POU6F2: variants seen among roughly 807,000 people sequenced by gnomAD.
POU6F2 encodes POU domain, class 6, transcription factor 2.
A neutral mutation model predicts 71.3 loss-of-function variants in POU6F2; 31 were observed. That is an observed-to-expected ratio of 0.43 (90% CI 0.33 to 0.59). The LOEUF (loss-of-function observed/expected upper bound fraction) is 0.59. Among genes scored for constraint, POU6F2 ranks in the 20% least tolerant of loss-of-function variants. The probability of loss-of-function intolerance (pLI) is 0.04; values close to 1 mark genes in which losing one functional copy is unlikely to be tolerated. For synonymous variants in POU6F2, 347 were observed against 355.7 expected (o/e 0.98, Z 0.27); for missense variants, 783 against 856.8 (o/e 0.91, Z 1.07).
chr7:39,168,338 G>A (rs749683689), intron 2 of POU6F2, among the ~76,000 whole-genome samples: 6 of 152,182 alleles, frequency 3.9e-5, no homozygotes, highest in Admixed American at 1.3e-4. Flanking sequence ...AGTATTATCT[G>A]TTTTAAATGA....
rs78000514 is a variant in POU6F2, at chr7:39,138,041, G to T, written c.277+52010G>T. ...TCTGTAAGATTTTGCTATTAAATTA[G>T]GCAACAGTACTTTTCTGCATGCTTT... On this transcript the variant is annotated intron_variant, in intron 2 of 9. Transcript: ENST00000518318. Among the ~76,000 whole-genome samples, 208 of 152,194 alleles carry T rather than the reference G, an allele frequency of 1.4e-3. 3 individuals are homozygous for T. In the South Asian group the frequency reaches 0.023, roughly 17 times the overall value.
At chr7:39,406,547 G>GCTGTGC in intron 5 of POU6F2, 53 bp from the exon 6 acceptor site, 1 of 1,591,958 alleles carries the variant, frequency 6.3e-7, no homozygotes. Context: ...GTGTCCGTGT[G>GCTGTGC]CTGTGCCTGT....
intron 4 of POU6F2, among the ~76,000 whole-genome samples, chr7:39,333,473 T>C (rs567052492): frequency 6.6e-6 from 1 of 152,228 alleles, no homozygotes; most frequent in East Asian, 1.9e-4. Context: ...GCGTGGTGGC[T>C]CACACCTATA....
intron 4 of POU6F2, among the ~76,000 whole-genome samples, chr7:39,275,231 A>G (rs1293890976): frequency 6.6e-6 from 1 of 151,934 alleles, no homozygotes; most frequent in East Asian, 1.9e-4. Flanking sequence ...ATGTACAAAA[A>G]TCACAAGCAT....
intron 1 of POU6F2, among the ~76,000 whole-genome samples, chr7:39,079,932 CA>C (rs150124176): frequency 0.013 from 2,051 of 152,006 alleles, 41 homozygotes; most frequent in African/African-American, 0.046. Context: ...ACTTTTTTTC[CA>C]AAATAATTTT....
chr7:39,031,722 A>G (rs1014339612), intron 1 of POU6F2, among the ~76,000 whole-genome samples: 1 of 152,106 alleles, frequency 6.6e-6, no homozygotes, highest in African/African-American at 2.4e-5. Context: ...CTCTAATAAA[A>G]ATAAAAAAAT....
At chr7:39,240,810 A>T (rs950026113) in intron 4 of POU6F2, among the ~76,000 whole-genome samples, 1 of 152,174 alleles carries the variant, frequency 6.6e-6, no homozygotes, top group Non-Finnish European at 1.5e-5. Flanking sequence ...CGAGTAAAAG[A>T]TATGATATTT....
At chr7:38,981,429 C>T (rs1267502574) in intron 1 of POU6F2, among the ~76,000 whole-genome samples, 3 of 152,302 alleles carry the variant, frequency 2.0e-5, no homozygotes, top group African/African-American at 7.2e-5. Context: ...GCCCACCATC[C>T]TGATGCACAG....
At chr7:39,128,687 A>T (rs1245644731) in intron 2 of POU6F2, among the ~76,000 whole-genome samples, 2 of 152,180 alleles carry the variant, frequency 1.3e-5, no homozygotes, top group Non-Finnish European at 2.9e-5. Flanking sequence ...CAATGTGTTT[A>T]TTGCTAGGAA....
intron 7 of POU6F2, among the ~76,000 whole-genome samples, chr7:39,448,560 G>T (rs1009955752): frequency 6.6e-6 from 1 of 152,274 alleles, no homozygotes; most frequent in South Asian, 2.1e-4. Flanking sequence ...CATGGAACAA[G>T]TTCTTAAAAT....
At chr7:39,405,837 C>T (rs1376977197) in intron 5 of POU6F2, among the ~76,000 whole-genome samples, 1 of 152,174 alleles carries the variant, frequency 6.6e-6, no homozygotes, top group East Asian at 1.9e-4. Flanking sequence ...CTCTCTCCCA[C>T]TCTCTCTTTC....
chr7:39,165,076 T>C (rs1793083330), intron 2 of POU6F2, among the ~76,000 whole-genome samples: 1 of 152,226 alleles, frequency 6.6e-6, no homozygotes, highest in Non-Finnish European at 1.5e-5. Context: ...TCAATGATTA[T>C]GTCATGCTTC....
At chr7:39,377,009 TTAAC>T (rs1441472548) in intron 5 of POU6F2, among the ~76,000 whole-genome samples, 4 of 148,350 alleles carry the variant, frequency 2.7e-5, no homozygotes, top group South Asian at 2.1e-4. Context: ...ATATATTTGT[TTAAC>T]TATATATTAA....
intron 2 of POU6F2, among the ~76,000 whole-genome samples, chr7:39,194,640 A>C (rs772693565): frequency 9.9e-5 from 15 of 151,898 alleles, no homozygotes; most frequent in Non-Finnish European, 1.0e-4. Flanking sequence ...AAGGAATAAA[A>C]GCTGGCCACC....
At chr7:39,146,713 G>A (rs144583517) in intron 2 of POU6F2, among the ~76,000 whole-genome samples, 1 of 152,254 alleles carries the variant, frequency 6.6e-6, no homozygotes, top group African/African-American at 2.4e-5. Context: ...GGTGATGGTG[G>A]TGAGTTGATA....
chr7:39,107,101 G>A (rs905058701), intron 2 of POU6F2, among the ~76,000 whole-genome samples: 1 of 145,724 alleles, frequency 6.9e-6, no homozygotes, highest in African/African-American at 2.6e-5. Flanking sequence ...CTGGAGTGTA[G>A]TGTTGTGATC....
In POU6F2 at chr7:39,460,595, T is replaced by C. The variant is rs1454407109; in HGVS notation, c.1538T>C (p.Ile513Thr). ...GTGGATGGGGTTAATCTGGAGGAGA[T>C]CCGAGAATTTGCCAAAGCTTTTAAA... ...GEVDGVNLEE[I>T]REFAKAFKIR... The change falls in exon 9 of 10, where the codon ATC (isoleucine) becomes ACC (threonine). Residue 513 changes from isoleucine (I) to threonine (T), a missense_variant. Physicochemically the swap from Ile to Thr is moderately conservative, Grantham distance 89 (BLOSUM62 -1). Transcript: ENST00000518318. The surrounding 1 kb of genome is among the most constrained non-coding windows in gnomAD (Gnocchi z 4.4). The C allele has an allele frequency of 6.2e-7, 1 of 1,613,284 alleles. No individual in the cohort carries two copies. Among genetic ancestry groups the C allele is most frequent in the African/African-American group, 1.3e-5 (1 of 74,912 alleles).
intron 3 of POU6F2, 81 bp downstream of exon 3, chr7:39,204,407 G>GTCAATTGGAT: frequency 8.3e-7 from 1 of 1,204,738 alleles, no homozygotes; most frequent in Non-Finnish European, 1.2e-6. Flanking sequence ...ATAATAATGA[G>GTCAATTGGAT]TTAAATCCAA....
At chr7:39,263,019 G>A (rs1784169038) in intron 4 of POU6F2, among the ~76,000 whole-genome samples, 1 of 152,102 alleles carries the variant, frequency 6.6e-6, no homozygotes, top group Non-Finnish European at 1.5e-5. Context: ...GATGATTGTG[G>A]CAATTTGTAT....
Sources: allele counts gnomAD v4.1 joint callset (sites outside exome capture counted in the v4.1 genomes callset), GRCh38; gene constraint gnomAD v4.1.1; non-coding constraint Gnocchi (gnomAD v3.1); transcripts MANE v1.5; gene names NCBI Gene and HGNC (gene_info 2026-07-23, HGNC 2026-07-21).